SLC44A5: variants seen among roughly 807,000 people sequenced by gnomAD.
The protein encoded by SLC44A5 is solute carrier family 44 member 5.
A neutral mutation model predicts 101.8 loss-of-function variants in SLC44A5; 57 were observed. The observed-to-expected ratio is 0.56, with a 90% CI of 0.45 to 0.70. The LOEUF (loss-of-function observed/expected upper bound fraction) is 0.70, where lower values mean the gene tolerates loss of function less well. Ranked by LOEUF, SLC44A5 falls within the 30% of genes least tolerant of loss-of-function variation. The pLI is 0.00. For synonymous variants in SLC44A5, 281 were observed against 290.9 expected (o/e 0.97, Z 0.35); for missense variants, 737 against 853.1 (o/e 0.86, Z 1.70).
chr1:75,499,548 A>G (rs1483378506), intron 2 of SLC44A5, among the ~76,000 whole-genome samples: 1 of 152,208 alleles, frequency 6.6e-6, no homozygotes, highest in Non-Finnish European at 1.5e-5. Flanking sequence ...TTATGAAGTT[A>G]CCTAGCAAAC....
chr1:75,240,488 G>A (rs946756440), intron 9 of SLC44A5, among the ~76,000 whole-genome samples: 9 of 152,086 alleles, frequency 5.9e-5, no homozygotes, highest in Non-Finnish European at 1.0e-4. Context: ...TGTAAGGGCA[G>A]AGACTATGTC....
chr1:75,449,425 A>G (rs895882380), intron 2 of SLC44A5, among the ~76,000 whole-genome samples: 16 of 152,104 alleles, frequency 1.1e-4, no homozygotes, highest in Non-Finnish European at 2.4e-4. Context: ...AATCTCCCTC[A>G]GGTAAGAATC....
chr1:75,490,789 G>C (rs1041971933), intron 2 of SLC44A5, among the ~76,000 whole-genome samples: 4 of 152,176 alleles, frequency 2.6e-5, no homozygotes, highest in Non-Finnish European at 1.5e-5. Flanking sequence ...CCAGTGGTCA[G>C]GGAGAGACAC....
intron 2 of SLC44A5, among the ~76,000 whole-genome samples, chr1:75,410,637 A>G (rs1404424628): frequency 6.6e-6 from 1 of 152,098 alleles, no homozygotes; most frequent in Non-Finnish European, 1.5e-5. Context: ...TGAGAAAAGG[A>G]AAGGTAGAAA....
Position 75,202,719 on chromosome 1 carries a change from G to A in SLC44A5, c.*1008C>T, listed in dbSNP as rs983573156. 2.0e-5 allele frequency: 3 copies of A among 152,060 alleles called. No homozygotes were observed. Among genetic ancestry groups the A allele is most frequent in the South Asian group, 2.1e-4 (1 of 4,830 alleles). The allele number at this position is 152,060 out of a possible 1,614,324, so 9.4% of individuals were successfully genotyped here. A position where few individuals can be genotyped will look rare whatever the true frequency, so the allele number is the denominator to read the frequency against. On this transcript the variant is annotated 3_prime_UTR_variant, in exon 24 of 24. Transcript: ENST00000370859. ...ACATGACATCTGTGAGCACCCTTTC[G>A]AGGAGTAAAGTTTCCCTTTGCAATT...
chr1:75,340,897 A>C (rs1365088597), intron 3 of SLC44A5, among the ~76,000 whole-genome samples: 1 of 152,242 alleles, frequency 6.6e-6, no homozygotes, highest in Non-Finnish European at 1.5e-5. Flanking sequence ...AGAGAAACAG[A>C]GACAATGGTC....
upstream of SLC44A5, among the ~76,000 whole-genome samples, chr1:75,615,569 CAGAT>C (rs1232624329): frequency 1.3e-5 from 2 of 151,620 alleles, no homozygotes; most frequent in Non-Finnish European, 2.9e-5. Flanking sequence ...GGAGGTGCAA[CAGAT>C]AGATACCCAA....
chr1:75,632,025 C>T, the SLC44A5 span, among the ~76,000 whole-genome samples: 1 of 152,124 alleles, frequency 6.6e-6, no homozygotes. Context: ...AAATCATAAG[C>T]ACTTGGGAAA....
At chr1:75,442,124 G>C (rs948516767) in intron 2 of SLC44A5, among the ~76,000 whole-genome samples, 7 of 152,072 alleles carry the variant, frequency 4.6e-5, no homozygotes, top group Non-Finnish European at 1.0e-4. Context: ...GCTTTGTAAG[G>C]ACAAAGTTTA....
chr1:75,335,091 C>T (rs1657339589), intron 4 of SLC44A5, among the ~76,000 whole-genome samples: 1 of 152,196 alleles, frequency 6.6e-6, no homozygotes. Flanking sequence ...GAATCAGCTC[C>T]AAATGCTTTA....
intron 10 of SLC44A5, 81 bp downstream of exon 10, chr1:75,238,431 AC>A: frequency 1.4e-6 from 1 of 728,890 alleles, no homozygotes; most frequent in Non-Finnish European, 2.0e-6. Context: ...TTTTCCTATA[AC>A]CCTTAACCCA....
At chr1:75,388,284 A>G (rs1315680277) in intron 3 of SLC44A5, among the ~76,000 whole-genome samples, 1 of 151,882 alleles carries the variant, frequency 6.6e-6, no homozygotes, top group East Asian at 1.9e-4. Flanking sequence ...CATTACCACT[A>G]GACCAGTTTT....
At chr1:75,459,054 G>T (rs145404847) in intron 2 of SLC44A5, among the ~76,000 whole-genome samples, 123 of 152,234 alleles carry the variant, frequency 8.1e-4, no homozygotes, top group African/African-American at 2.9e-3. Flanking sequence ...AGTGAAAAAA[G>T]ATATTGGTGA....
chr1:75,353,035 T>C (rs1249838), intron 3 of SLC44A5, among the ~76,000 whole-genome samples: 86,064 of 152,018 alleles, frequency 0.57, 24,917 homozygotes, highest in Non-Finnish European at 0.63. Context: ...TTTGGCTTTA[T>C]ATAGATGGAA....
chr1:75,705,659 TA>T, the SLC44A5 span, among the ~76,000 whole-genome samples: 1 of 152,150 alleles, frequency 6.6e-6, no homozygotes, highest in East Asian at 1.9e-4. Flanking sequence ...TCTATTTTAT[TA>T]AATAACCAGC....
the SLC44A5 span, among the ~76,000 whole-genome samples, chr1:75,663,128 C>T: frequency 6.6e-6 from 1 of 152,134 alleles, no homozygotes; most frequent in Non-Finnish European, 1.5e-5. Context: ...AATAGAGTTA[C>T]TCTCTACTTC....
chr1:75,627,866 A>G, the SLC44A5 span, among the ~76,000 whole-genome samples: 48 of 149,038 alleles, frequency 3.2e-4, no homozygotes, highest in Non-Finnish European at 5.8e-4. Flanking sequence ...TTATTAATTG[A>G]TTCATTCATT....
rs556228079 is a variant in SLC44A5 at position 75,389,372 on chromosome 1, T to G, written c.52+7211A>C. ...TACCCAACAACCACAGAATATACATTCTTCTCATGTGCATATGGAATATAG... is the reference window on the plus strand; with the variant it reads ...TACCCAACAACCACAGAATATACATGCTTCTCATGTGCATATGGAATATAG... On this transcript the variant is annotated intron_variant, in intron 3 of 23. Coordinates refer to ENST00000370859, the MANE Select transcript of SLC44A5 (RefSeq NM_001130058.2). 2.0e-5 allele frequency among the ~76,000 whole-genome samples: 3 copies of G among 152,288 alleles called. No individual in the cohort carries two copies. The South Asian group carries it at 6.2e-4, about 32-fold the overall frequency.
intron 3 of SLC44A5, among the ~76,000 whole-genome samples, chr1:75,357,918 A>AT (rs1260181993): frequency 6.6e-6 from 1 of 152,158 alleles, no homozygotes; most frequent in Admixed American, 6.6e-5. Flanking sequence ...AGAACTTTAG[A>AT]AATGTTAGAA....
Sources: allele counts gnomAD v4.1 joint callset (sites outside exome capture counted in the v4.1 genomes callset), GRCh38; gene constraint gnomAD v4.1.1; transcripts MANE v1.5; gene names NCBI Gene and HGNC (gene_info 2026-07-23, HGNC 2026-07-21).